Variants in TMEM108 observed in about 807,000 individuals in gnomAD.
TMEM108 encodes transmembrane protein 108.
Under a neutral mutation model 35.1 loss-of-function variants are expected in TMEM108, and 12 were observed. That is an observed-to-expected ratio of 0.34 (90% CI 0.22 to 0.55). TMEM108 has a LOEUF of 0.55. Among genes scored for constraint, TMEM108 ranks in the 20% least tolerant of loss-of-function variants. TMEM108 has a pLI of 0.89. For synonymous variants in TMEM108, 287 were observed against 308.6 expected (o/e 0.93, Z 0.73); for missense variants, 680 against 753.3 (o/e 0.90, Z 1.14).
chr3:133,331,594 A>G (rs1430891173), intron 3 of TMEM108, among the ~76,000 whole-genome samples: 1 of 152,238 alleles, frequency 6.6e-6, no homozygotes, highest in Non-Finnish European at 1.5e-5. Flanking sequence ...AGCACAAGGC[A>G]TATAGAAACT....
At position 133,147,861 on chromosome 3, in the gene TMEM108, A is replaced by C. The variant is rs1005161014; in HGVS notation, c.-46-81405A>C. Among the ~76,000 whole-genome samples, 4 of 152,138 alleles carry C rather than the reference A, an allele frequency of 2.6e-5. No homozygotes were observed. The East Asian group carries it at 7.7e-4, about 29-fold the overall frequency. On this transcript the variant is annotated intron_variant, in intron 2 of 5. Transcript: ENST00000321871. Reference sequence around the variant, plus strand: ...CCTATGGTGCTGGATTAAAGTTAGAAATATCAGTATGAACTCCTGTTTATT... The same window carrying C: ...CCTATGGTGCTGGATTAAAGTTAGACATATCAGTATGAACTCCTGTTTATT...
intron 2 of TMEM108, among the ~76,000 whole-genome samples, chr3:133,220,349 T>G (rs1194876996): frequency 1.3e-5 from 2 of 151,992 alleles, no homozygotes; most frequent in African/African-American, 4.8e-5. Flanking sequence ...TGATCATAGC[T>G]TATTGTAGTC....
chr3:133,179,131 G>C lies in TMEM108; in HGVS notation c.-46-50135G>C, dbSNP rs957473668. ...ATACCATCTCACACCAGTTAGAATG[G>C]CGATCATTAAAAAGTCAGGAAACAA... On this transcript the variant is annotated intron_variant, in intron 2 of 5. Transcript: ENST00000321871. Among the ~76,000 whole-genome samples, 1,197 of 149,382 alleles carry C rather than the reference G, an allele frequency of 8.0e-3. 12 individuals carry two copies. Among genetic ancestry groups the C allele is most frequent in the African/African-American group, 0.027 (1,093 of 40,606 alleles).
chr3:133,185,673 C>G (rs1041718018), intron 2 of TMEM108, among the ~76,000 whole-genome samples: 2 of 151,796 alleles, frequency 1.3e-5, no homozygotes, highest in African/African-American at 4.8e-5. Context: ...AGTGAGTGCT[C>G]ATTGATTTAT....
chr3:133,220,284 T>C (rs914923051), intron 2 of TMEM108, among the ~76,000 whole-genome samples: 1 of 144,796 alleles, frequency 6.9e-6, no homozygotes, highest in Non-Finnish European at 1.5e-5. Context: ...ATCCAGTCAT[T>C]TTTTTTTTAA....
At chr3:133,144,953 A>G (rs1357828768) in intron 2 of TMEM108, among the ~76,000 whole-genome samples, 1 of 152,164 alleles carries the variant, frequency 6.6e-6, no homozygotes, top group African/African-American at 2.4e-5. Flanking sequence ...GCTATGCAGA[A>G]GCTCTTTAGT....
rs1020440469 is a variant in TMEM108, at chr3:133,055,760, A to T, written c.-47+9740A>T. Among the ~76,000 whole-genome samples the T allele has an allele frequency of 3.3e-5, 5 of 152,182 alleles. 1 individual carries two copies. Among genetic ancestry groups the T allele is most frequent in the African/African-American group, 1.2e-4 (5 of 41,428 alleles). Reference sequence around the variant, plus strand: ...TCCTCAAACATGACCCATTCCTATCAGCACACCCCTTTAGAGGGCCCATCA... The same window carrying T: ...TCCTCAAACATGACCCATTCCTATCTGCACACCCCTTTAGAGGGCCCATCA... On this transcript the variant is annotated intron_variant, in intron 2 of 5. Coordinates refer to ENST00000321871, the MANE Select transcript of TMEM108 (RefSeq NM_023943.4).
intron 2 of TMEM108, among the ~76,000 whole-genome samples, chr3:133,188,763 C>T (rs1945457953): frequency 6.6e-6 from 1 of 152,122 alleles, no homozygotes. Flanking sequence ...AGTGGTTTGA[C>T]ATAATAAAAA....
intron 2 of TMEM108, among the ~76,000 whole-genome samples, chr3:133,117,758 T>G (rs1009711401): frequency 1.8e-4 from 28 of 152,252 alleles, no homozygotes; most frequent in African/African-American, 6.7e-4. Context: ...TGGGGTTTGA[T>G]TGGGTGCACC....
intron 3 of TMEM108, among the ~76,000 whole-genome samples, chr3:133,291,139 A>G (rs1185266372): frequency 6.6e-6 from 1 of 152,200 alleles, no homozygotes; most frequent in Non-Finnish European, 1.5e-5. Flanking sequence ...TGTTGTTCTA[A>G]TAGCAATTTA....
intron 3 of TMEM108, among the ~76,000 whole-genome samples, chr3:133,360,431 T>C (rs2072311556): frequency 6.6e-6 from 1 of 152,156 alleles, no homozygotes; most frequent in South Asian, 2.1e-4. Context: ...ATTCAATAAT[T>C]TTAAAATGGG....
At chr3:133,318,942 G>A (rs1391478847) in intron 3 of TMEM108, among the ~76,000 whole-genome samples, 2 of 129,236 alleles carry the variant, frequency 1.5e-5, no homozygotes, top group Admixed American at 7.5e-5. Flanking sequence ...CTCAGGGGAA[G>A]TGTATAGCCT....
At chr3:133,040,202 G>GTTC (rs1943256351) in intron 1 of TMEM108, among the ~76,000 whole-genome samples, 1 of 119,692 alleles carries the variant, frequency 8.4e-6, no homozygotes, top group East Asian at 2.2e-4. Context: ...TTGTTTGTTT[G>GTTC]TTTGTTTTTT....
chr3:133,129,083 G>A (rs1186506538), intron 2 of TMEM108, among the ~76,000 whole-genome samples: 4 of 152,122 alleles, frequency 2.6e-5, no homozygotes, highest in African/African-American at 7.2e-5. Context: ...AGTGGCTCAC[G>A]CCTGTAATTC....
At chr3:133,134,804 T>C (rs567902375) in intron 2 of TMEM108, among the ~76,000 whole-genome samples, 1 of 152,216 alleles carries the variant, frequency 6.6e-6, no homozygotes, top group South Asian at 2.1e-4. Context: ...GAGTCTGTAG[T>C]ATCCATTATA....
intron 2 of TMEM108, among the ~76,000 whole-genome samples, chr3:133,214,793 A>G (rs1343377679): frequency 6.6e-6 from 1 of 152,106 alleles, no homozygotes; most frequent in African/African-American, 2.4e-5. Flanking sequence ...ACCTCCTGTC[A>G]GATCAGTGGT....
chr3:133,288,840 A>G (rs1947022242), intron 3 of TMEM108, among the ~76,000 whole-genome samples: 1 of 151,866 alleles, frequency 6.6e-6, no homozygotes, highest in South Asian at 2.1e-4. Context: ...TGTTTAAGCA[A>G]TTTTCCTGTC....
intron 2 of TMEM108, among the ~76,000 whole-genome samples, chr3:133,179,062 T>C (rs1440107052): frequency 6.6e-6 from 1 of 151,890 alleles, no homozygotes; most frequent in Non-Finnish European, 1.5e-5. Context: ...AAAATGCTCA[T>C]CATCACTGGC....
chr3:133,282,000 AC>A (rs1437890473), intron 3 of TMEM108, among the ~76,000 whole-genome samples: 1 of 152,112 alleles, frequency 6.6e-6, no homozygotes, highest in African/African-American at 2.4e-5. Flanking sequence ...TACTAAAAAT[AC>A]AAAAAATTAG....
Sources: allele counts gnomAD v4.1 joint callset (sites outside exome capture counted in the v4.1 genomes callset), GRCh38; gene constraint gnomAD v4.1.1; transcripts MANE v1.5; gene names NCBI Gene and HGNC (gene_info 2026-07-23, HGNC 2026-07-21).